Variants in MARCHF10 observed in about 807,000 individuals in gnomAD.
MARCHF10 encodes the protein membrane associated ring-CH-type finger 10.
In MARCHF10, 64 loss-of-function variants were observed where a neutral mutation model predicts 76.2. The observed-to-expected ratio is 0.84, with a 90% confidence interval of 0.69 to 1.03. MARCHF10 has a LOEUF of 1.03. Among genes scored for constraint, MARCHF10 ranks in the 50% least tolerant of loss-of-function variants. The pLI, the probability that MARCHF10 is intolerant of heterozygous loss-of-function variation, is 0.00. For synonymous variants in MARCHF10, 340 were observed against 357.5 expected (o/e 0.95, Z 0.55); for missense variants, 875 against 958.0 (o/e 0.91, Z 1.14).
intron 3 of MARCHF10, among the ~76,000 whole-genome samples, chr17:62,785,884 C>T (rs1568208031): frequency 1.3e-5 from 2 of 152,112 alleles, no homozygotes; most frequent in Non-Finnish European, 1.5e-5. Context: ...ACAACAGATG[C>T]TAGAGAGGAA....
At chr17:62,742,941 CT>C (rs1274589861) in intron 5 of MARCHF10, among the ~76,000 whole-genome samples, 1 of 152,038 alleles carries the variant, frequency 6.6e-6, no homozygotes, top group Non-Finnish European at 1.5e-5. Context: ...TGAACCTCAC[CT>C]TTCAAATAAT....
chr17:62,805,709 C>T (rs577826927), intron 1 of MARCHF10, among the ~76,000 whole-genome samples: 15 of 152,160 alleles, frequency 9.9e-5, no homozygotes, highest in East Asian at 5.8e-4. Context: ...GTCAGGAGTT[C>T]GAGATCGGCC....
chr17:62,751,161 T>C (rs752347163), intron 4 of MARCHF10, among the ~76,000 whole-genome samples: 3 of 152,168 alleles, frequency 2.0e-5, no homozygotes, highest in Non-Finnish European at 2.9e-5. Flanking sequence ...CTAACCTCGC[T>C]GGAGGCAGAA....
chr17:62,732,322 A>G (rs1458171947), intron 6 of MARCHF10, among the ~76,000 whole-genome samples: 1 of 152,228 alleles, frequency 6.6e-6, no homozygotes, highest in Non-Finnish European at 1.5e-5. Context: ...ACATCATCGC[A>G]TATCAAAAGT....
chr17:62,722,591 T>G lies in MARCHF10; in HGVS notation c.2111A>C (p.Asp704Ala), dbSNP rs1389780991. 1 of 1,613,202 alleles carries G rather than the reference T, an allele frequency of 6.2e-7. No homozygotes were observed. Among genetic ancestry groups the G allele is most frequent in the South Asian group, 1.1e-5 (1 of 90,766 alleles). ...CTCACAGGTCTTCACGGCACCAAGA[T>G]CTGCTCCTTAAATTGGATAAAGAAT... ...WLKVKITSGA[D>A]LGAVKTCEMC... is the part of the protein sequence containing the mutation. Residue 704 changes from aspartate to alanine, a missense_variant, in exon 8 of 11, where the codon GAT becomes GCT. Coordinates refer to ENST00000311269, the MANE Select transcript of MARCHF10 (RefSeq NM_152598.4).
chr17:62,805,132 C>A (rs1382319123), intron 1 of MARCHF10: 1 of 152,222 alleles, frequency 6.6e-6, no homozygotes, highest in Non-Finnish European at 1.5e-5. Context: ...CAGTCAGAAT[C>A]TGAAACTACA....
chr17:62,760,119 G>A, intron 3 of MARCHF10, 113 bp from the exon 4 acceptor site: 1 of 872,952 alleles, frequency 1.1e-6, no homozygotes, highest in Non-Finnish European at 1.8e-6. Flanking sequence ...TAATCCTAGA[G>A]TCTTCTGCCA....
intron 3 of MARCHF10, among the ~76,000 whole-genome samples, chr17:62,783,201 T>G (rs1288127362): frequency 3.0e-4 from 43 of 143,382 alleles, no homozygotes; most frequent in South Asian, 2.6e-3. Flanking sequence ...CCAGTTTTTT[T>G]TTTTTTTTTT....
At chr17:62,743,318 A>C (rs2091582956) in intron 5 of MARCHF10, among the ~76,000 whole-genome samples, 1 of 152,194 alleles carries the variant, frequency 6.6e-6, no homozygotes, top group African/African-American at 2.4e-5. Context: ...ATTCTTCAAT[A>C]TGTATATATG....
At chr17:62,805,571 T>C (rs1309190142) in intron 1 of MARCHF10, among the ~76,000 whole-genome samples, 4 of 152,172 alleles carry the variant, frequency 2.6e-5, no homozygotes, top group African/African-American at 4.8e-5. Context: ...TTTGTCTAAA[T>C]AGGAAGTAGC....
chr17:62,742,659 T>C (rs1188214018), intron 5 of MARCHF10, among the ~76,000 whole-genome samples: 1 of 150,634 alleles, frequency 6.6e-6, no homozygotes, highest in African/African-American at 2.5e-5. Context: ...ATGGAGACGC[T>C]TACCTTTCTC....
At position 62,736,116 on chromosome 17, in the gene MARCHF10, G is replaced by C; in HGVS notation, c.1752C>G (p.Asn584Lys). The change falls in exon 6 of 11, where the codon AAC becomes AAG. Residue 584 changes from asparagine (N) to lysine (K), a missense_variant. Transcript: ENST00000311269. ...CAGACACATGCAAATGGCCTTCTGAGTTCATTCTTGATGGAGAGGAGCTGG... is the reference window on the plus strand; with the variant it reads ...CAGACACATGCAAATGGCCTTCTGACTTCATTCTTGATGGAGAGGAGCTGG... ...DSSSSSPSRM[N>K]SEGHLHVSGS... The C allele has an allele frequency of 3.7e-6, 6 of 1,614,192 alleles. No individual in the cohort carries two copies. Among genetic ancestry groups the C allele is most frequent in the East Asian group, 2.2e-5 (1 of 44,884 alleles).
At position 62,738,546 on chromosome 17, in the gene MARCHF10, T is replaced by C. The variant is rs887184710; in HGVS notation, c.536-1214A>G. On this transcript the variant is annotated intron_variant, in intron 5 of 10. Transcript: ENST00000311269. The surrounding 1 kb of genome is among the most constrained non-coding windows in gnomAD (Gnocchi z 4.0). Reference sequence around the variant, plus strand: ...TCCATTTCTAAAGCGGTTCACCCTGTAGAGTGGACGGGACTCCACGGGCCC... The same window carrying C: ...TCCATTTCTAAAGCGGTTCACCCTGCAGAGTGGACGGGACTCCACGGGCCC... Among the ~76,000 whole-genome samples, 1 of 152,206 alleles carries C rather than the reference T, an allele frequency of 6.6e-6. No individual in the cohort carries two copies. The highest frequency in any genetic ancestry group is 2.4e-5 in the African/African-American group (1 of 41,454).
chr17:62,720,676 C>G (rs1174416000), intron 8 of MARCHF10, among the ~76,000 whole-genome samples: 1 of 152,160 alleles, frequency 6.6e-6, no homozygotes, highest in African/African-American at 2.4e-5. Flanking sequence ...TGGTTGCACT[C>G]CTGGACAGAA....
At chr17:62,733,041 C>G (rs1050333732) in intron 6 of MARCHF10, among the ~76,000 whole-genome samples, 9 of 138,816 alleles carry the variant, frequency 6.5e-5, no homozygotes, top group Non-Finnish European at 1.4e-4. Context: ...ACAAACTAGA[C>G]AAACTACAAA....
chr17:62,743,516 G>A (rs764848205), intron 5 of MARCHF10, among the ~76,000 whole-genome samples: 13 of 152,264 alleles, frequency 8.5e-5, no homozygotes, highest in East Asian at 1.9e-4. Flanking sequence ...GGTGGTGCGC[G>A]CCTGTGGTCC....
At chr17:62,793,821 C>G (rs1267442288) in intron 2 of MARCHF10, among the ~76,000 whole-genome samples, 1 of 149,248 alleles carries the variant, frequency 6.7e-6, no homozygotes. Flanking sequence ...CCACCACCAA[C>G]ACCTCCATCA....
intron 8 of MARCHF10, among the ~76,000 whole-genome samples, chr17:62,720,265 T>C (rs565331041): frequency 6.6e-6 from 1 of 152,284 alleles, no homozygotes; most frequent in African/African-American, 2.4e-5. Context: ...ATGTACTGGG[T>C]AAAAGGAACT....
In MARCHF10 at chr17:62,808,288, C is replaced by G. The variant is rs1332305519; in HGVS notation, c.-229G>C. 1 of 152,408 alleles carries G rather than the reference C, an allele frequency of 6.6e-6. No individual in the cohort carries two copies. Among genetic ancestry groups the G allele is most frequent in the Non-Finnish European group, 1.5e-5 (1 of 68,194 alleles). The allele number at this position is 152,408 out of a possible 1,614,324, so 9.4% of individuals were successfully genotyped here. ...CTTTCCGCGGCGCCGGCCGGCCTTG[C>G]CTGGGGCGGAGGCGGTGGGGGCGGC... is the stretch of plus-strand genomic sequence containing the variant. On this transcript the variant is annotated 5_prime_UTR_variant, in exon 1 of 11. Transcript: ENST00000311269.
Sources: allele counts gnomAD v4.1 joint callset (sites outside exome capture counted in the v4.1 genomes callset), GRCh38; gene constraint gnomAD v4.1.1; non-coding constraint Gnocchi (gnomAD v3.1); transcripts MANE v1.5; gene names NCBI Gene and HGNC (gene_info 2026-07-23, HGNC 2026-07-21).